The following PPIP5K2 variants were observed in gnomAD, a reference collection of about 807,000 sequenced individuals.
PPIP5K2 encodes the protein diphosphoinositol pentakisphosphate kinase 2, also known as inositol hexakisphosphate and diphosphoinositol-pentakisphosphate kinase 2.
Under a neutral mutation model 154.6 loss-of-function variants are expected in PPIP5K2, and 105 were observed. The ratio of observed to expected loss-of-function variants is 0.68; its 90% CI spans 0.58 to 0.80. PPIP5K2 has a LOEUF of 0.80. Among genes scored for constraint, PPIP5K2 ranks in the 30% least tolerant of loss-of-function variants. The probability of loss-of-function intolerance (pLI) is 0.00; values close to 1 mark genes in which losing one functional copy is unlikely to be tolerated. For missense variants in PPIP5K2, 992 were observed against 1,504.6 expected, an observed-to-expected ratio of 0.66 and a Z score of 5.64; for synonymous variants, 480 against 490.3, an observed-to-expected ratio of 0.98 and a Z score of 0.28.
rs541493428 is a variant in PPIP5K2, at chr5:103,139,927, G to A, written c.487+1458G>A. Among the ~76,000 whole-genome samples, 4 of 152,254 alleles carry A rather than the reference G, an allele frequency of 2.6e-5. No individual in the cohort carries two copies. The South Asian group carries it at 8.3e-4, about 32-fold the overall frequency. ...GCCTCTCAACAGCAAAGTGGATCAA[G>A]TAGAAGAATTAGTGAGCTTGAAAAC... On this transcript the variant is annotated intron_variant, in intron 5 of 30. Transcript: ENST00000358359.
chr5:103,178,578 C>A (rs1554221740), intron 23 of PPIP5K2, among the ~76,000 whole-genome samples: 2 of 151,374 alleles, frequency 1.3e-5, no homozygotes, highest in Non-Finnish European at 1.5e-5. Flanking sequence ...ATGTTTCATG[C>A]ATTTTCATAT....
At chr5:103,167,089 C>T in intron 17 of PPIP5K2, 90 bp from the exon 18 acceptor site, 1 of 1,008,112 alleles carries the variant, frequency 9.9e-7, no homozygotes, top group Non-Finnish European at 1.4e-6. Context: ...GAATTATTCT[C>T]CAGCTACTGG....
At chr5:103,159,065 T>G in intron 16 of PPIP5K2, 81 bp from the exon 17 acceptor site, 1 of 977,962 alleles carries the variant, frequency 1.0e-6, no homozygotes, top group Non-Finnish European at 1.4e-6. Flanking sequence ...AACTTATACT[T>G]TATGAAAATC....
At chr5:103,128,611 T>G (rs1270418349) in intron 1 of PPIP5K2, among the ~76,000 whole-genome samples, 1 of 152,154 alleles carries the variant, frequency 6.6e-6, no homozygotes, top group Non-Finnish European at 1.5e-5. Flanking sequence ...CGCCTGGTTA[T>G]GTGGAAGAGT....
At chr5:103,171,228 G>A (rs897457896) in intron 19 of PPIP5K2, among the ~76,000 whole-genome samples, 4 of 151,372 alleles carry the variant, frequency 2.6e-5, no homozygotes, top group African/African-American at 9.7e-5. Context: ...CAGAAAATTG[G>A]GGCCCTGGTT....
At chr5:103,154,059 A>C in intron 11 of PPIP5K2, 125 bp downstream of exon 11, 1 of 615,574 alleles carries the variant, frequency 1.6e-6, no homozygotes. Context: ...GGCCATTTAT[A>C]TTTAAACCAG....
At chr5:103,128,473 C>T (rs1790089272) in intron 1 of PPIP5K2, among the ~76,000 whole-genome samples, 1 of 151,988 alleles carries the variant, frequency 6.6e-6, no homozygotes, top group Non-Finnish European at 1.5e-5. Flanking sequence ...GAGGCACAGT[C>T]ATAGCTCCCT....
intron 19 of PPIP5K2, among the ~76,000 whole-genome samples, chr5:103,172,396 A>G (rs1554219767): frequency 6.6e-6 from 1 of 151,068 alleles, no homozygotes; most frequent in Non-Finnish European, 1.5e-5. Context: ...GGTATCTAGT[A>G]GCAGGAAATA....
intron 28 of PPIP5K2, among the ~76,000 whole-genome samples, chr5:103,190,233 A>G (rs1350885899): frequency 6.6e-6 from 1 of 151,994 alleles, no homozygotes; most frequent in Admixed American, 6.6e-5. Context: ...TACTTGGCCT[A>G]ACTTTACACA....
intron 17 of PPIP5K2, among the ~76,000 whole-genome samples, chr5:103,166,560 C>G (rs1418396436): frequency 6.6e-6 from 1 of 151,996 alleles, no homozygotes; most frequent in Non-Finnish European, 1.5e-5. Flanking sequence ...GACTAAATGG[C>G]TGGTATCATC....
rs782144421 is a variant in PPIP5K2, at chr5:103,129,568, A to G, written c.-22A>G. On this transcript the variant is annotated 5_prime_UTR_variant, in exon 2 of 31. The change creates a new upstream start codon in the 5' untranslated region. Transcript: ENST00000358359. ...TTTTAATATAAATCATTTCAATTAT[A>G]TCTACATCAAATAAAATAAAAATGA... 1.7e-5 allele frequency: 26 copies of G among 1,545,526 alleles called. No individual in the cohort carries two copies. Among genetic ancestry groups the G allele is most frequent in the Non-Finnish European group, 2.0e-5 (23 of 1,151,702 alleles).
At chr5:103,189,307 GA>G in intron 28 of PPIP5K2, 1 of 1,147,824 alleles carries the variant, frequency 8.7e-7, no homozygotes. Context: ...TGCATTAAAG[GA>G]AAAGTTTATT....
At chr5:103,178,930 T>G (rs1209099829) in intron 23 of PPIP5K2, among the ~76,000 whole-genome samples, 3 of 151,958 alleles carry the variant, frequency 2.0e-5, no homozygotes, top group Non-Finnish European at 2.9e-5. Flanking sequence ...ATGATTTATT[T>G]AAATTTCATT....
At chr5:103,149,440 T>G (rs966236219) in intron 8 of PPIP5K2, 127 bp downstream of exon 8, 9 of 769,066 alleles carry the variant, frequency 1.2e-5, no homozygotes, top group Non-Finnish European at 1.7e-5. Context: ...ATCTGAATGG[T>G]TCATGTACTT....
At chr5:103,157,584 C>T (rs1795610237) in intron 14 of PPIP5K2, among the ~76,000 whole-genome samples, 1 of 151,982 alleles carries the variant, frequency 6.6e-6, no homozygotes, top group Non-Finnish European at 1.5e-5. Flanking sequence ...TCGAGACCAG[C>T]CTGGCCAACA....
In PPIP5K2 at chr5:103,143,673, C is replaced by G. The variant is rs184926461; in HGVS notation, c.488-2854C>G. ...ATGGATTAAAAAATAAGATCCAACT[C>G]TATACTCTCTACATATGATCATTTC... is the stretch of plus-strand genomic sequence containing the variant. On this transcript the variant is annotated intron_variant, in intron 5 of 30. Coordinates refer to ENST00000358359, the MANE Select transcript of PPIP5K2 (RefSeq NM_001276277.3). Among the ~76,000 whole-genome samples, 115 of 152,262 alleles carry G rather than the reference C, an allele frequency of 7.6e-4. 2 individuals carry two copies. Among genetic ancestry groups the G allele is most frequent in the African/African-American group, 2.7e-3 (112 of 41,562 alleles).
chr5:103,191,266 T>C (rs551820992), intron 29 of PPIP5K2, among the ~76,000 whole-genome samples: 1 of 152,154 alleles, frequency 6.6e-6, no homozygotes, highest in Admixed American at 6.5e-5. Context: ...TTGTTAAAAC[T>C]ATGTTTGCTA....
At position 103,205,696 on chromosome 5, in the gene PPIP5K2, T is replaced by G. The variant is rs1157762603; in HGVS notation, c.*4062T>G. ...TATTATCAATGGTTTTTACTTTACT[T>G]TTTATATAGTATGTGGGTATGTTTT... On this transcript the variant is annotated 3_prime_UTR_variant, in exon 31 of 31. Transcript: ENST00000358359. 1.3e-5 allele frequency: 2 copies of G among 152,194 alleles called. No individual in the cohort carries two copies. Among genetic ancestry groups the G allele is most frequent in the Non-Finnish European group, 2.9e-5 (2 of 68,034 alleles). 9.4% of individuals were successfully genotyped at this position (152,194 alleles called of 1,614,324 possible).
At chr5:103,151,405 T>C (rs1554211362) in intron 9 of PPIP5K2, 31 bp downstream of exon 9, 1 of 1,521,438 alleles carries the variant, frequency 6.6e-7, no homozygotes. Context: ...CTTTTTACCT[T>C]CATATACTAG....
Sources: gnomAD v4.1 joint callset for allele counts (sites outside exome capture counted in the v4.1 genomes callset) on GRCh38, gnomAD v4.1.1 for gene constraint, MANE v1.5 for transcripts, NCBI Gene and HGNC (gene_info 2026-07-23, HGNC 2026-07-21) for gene names.